The following RYR3 variants were observed in gnomAD, a reference collection of about 807,000 sequenced individuals.
The protein encoded by RYR3 is brain ryanodine receptor-calcium release channel.
A neutral mutation model predicts 584.3 loss-of-function variants in RYR3; 207 were observed. The ratio of observed to expected loss-of-function variants is 0.35; its 90% confidence interval spans 0.32 to 0.40. RYR3 has a LOEUF of 0.40. Ranked by LOEUF, RYR3 falls within the 10% of genes least tolerant of loss-of-function variation. The pLI, the probability that RYR3 is intolerant of heterozygous loss-of-function variation, is 1.00. For synonymous variants in RYR3, 2,416 were observed against 2,248.5 expected, an observed-to-expected ratio of 1.07 and a Z score of -2.11; for missense variants, 5,616 against 6,089.2, an observed-to-expected ratio of 0.92 and a Z score of 2.59.
At chr15:33,497,139 A>G (rs1461882589) in intron 2 of RYR3, among the ~76,000 whole-genome samples, 1 of 152,174 alleles carries the variant, frequency 6.6e-6, no homozygotes, top group Admixed American at 6.5e-5. Flanking sequence ...TTAATTCCCC[A>G]GATTCCTCCT....
chr15:33,550,010 C>T (rs2056556100), intron 9 of RYR3, 150 bp from the exon 10 acceptor site: 3 of 717,586 alleles, frequency 4.2e-6, no homozygotes, highest in Non-Finnish European at 6.7e-6. Context: ...TGAAATCCTA[C>T]AGCAAGCCAG....
chr15:33,414,605 AGT>A (rs2043646068), intron 1 of RYR3, among the ~76,000 whole-genome samples: 1 of 152,094 alleles, frequency 6.6e-6, no homozygotes, highest in Non-Finnish European at 1.5e-5. Context: ...AGTTTGAATA[AGT>A]AATTTTTATT....
At chr15:33,827,145 T>G in intron 84 of RYR3, 54 bp from the exon 85 acceptor site, 9 of 1,415,708 alleles carry the variant, frequency 6.4e-6, no homozygotes, top group Non-Finnish European at 8.8e-6. Context: ...GAGGGCATGC[T>G]TGGCCCCCTC....
At chr15:33,845,347 G>C (rs778311568) in intron 93 of RYR3, among the ~76,000 whole-genome samples, 21 of 152,170 alleles carry the variant, frequency 1.4e-4, no homozygotes, top group Non-Finnish European at 2.5e-4. Context: ...CCGCCTCCCA[G>C]GTTCAAGCAA....
chr15:33,704,624 T>G (rs982786792), intron 42 of RYR3, among the ~76,000 whole-genome samples: 2 of 152,194 alleles, frequency 1.3e-5, no homozygotes, highest in African/African-American at 4.8e-5. Context: ...GTGTTTTAGG[T>G]GGTATGACGA....
At position 33,630,030 on chromosome 15, in the gene RYR3, A is replaced by G. The variant is rs199638420; in HGVS notation, c.2770A>G (p.Thr924Ala). The part of the protein sequence containing the change: ...TEKNYNLQMS[T>A]ETLKTLLALG... ...GAAGAACTATAACCTGCAAATGTCA[A>G]CTGAAACCTTAAAGTGAGTATTTAA... is the stretch of plus-strand genomic sequence containing the variant. The change falls in exon 22 of 104, where the codon ACT becomes GCT. Residue 924 changes from threonine (T) to alanine (A), a missense_variant. Coordinates refer to ENST00000634891, the MANE Select transcript of RYR3 (RefSeq NM_001036.6). 735 of 1,589,930 alleles carry G rather than the reference A, an allele frequency of 4.6e-4. No homozygotes were observed. The highest frequency in any genetic ancestry group is 3.2e-3 in the Middle Eastern group (19 of 6,024).
chr15:33,819,897 G>A, intron 77 of RYR3, 90 bp downstream of exon 77: 1 of 964,260 alleles, frequency 1.0e-6, no homozygotes, highest in Non-Finnish European at 1.6e-6. Context: ...TTGAATAGCA[G>A]GCCTGGGACT....
intron 36 of RYR3, among the ~76,000 whole-genome samples, chr15:33,665,956 A>C (rs531074554): frequency 6.6e-6 from 1 of 152,288 alleles, no homozygotes. Flanking sequence ...TTGAGCAAGC[A>C]TCAGAATCAT....
chr15:33,668,690 C>T (rs1039607258), intron 36 of RYR3, among the ~76,000 whole-genome samples: 3 of 152,060 alleles, frequency 2.0e-5, no homozygotes, highest in Non-Finnish European at 2.9e-5. Flanking sequence ...CTTGTATAAA[C>T]TTGTTAATAA....
At chr15:33,489,530 A>G (rs1174712602) in intron 2 of RYR3, among the ~76,000 whole-genome samples, 1 of 152,236 alleles carries the variant, frequency 6.6e-6, no homozygotes, top group Admixed American at 6.5e-5. Flanking sequence ...CCCACAAAAG[A>G]CGTAACATCG....
chr15:33,337,934 ATTTTTTTTTTT>A (rs199625940), intron 1 of RYR3, among the ~76,000 whole-genome samples: 11 of 113,604 alleles, frequency 9.7e-5, no homozygotes, highest in Non-Finnish European at 1.2e-4. Context: ...ATTTTAGGAG[ATTTTTTTTTTT>A]TTTTTTTTTT....
At position 33,646,358 on chromosome 15, in the gene RYR3, G is replaced by C; in HGVS notation, c.3773G>C (p.Arg1258Thr). Residue 1258 changes from arginine to threonine, a missense_variant, in exon 29 of 104, where the codon AGG becomes ACG. By Grantham distance (71) the Arg-to-Thr change is moderately conservative. Coordinates refer to ENST00000634891, the MANE Select transcript of RYR3 (RefSeq NM_001036.6). ...GACTCGTCCTGTTTCCAGGTCATGA[G>C]GATTGATGGCACCATGGACAGCCCT... Reference protein sequence around the residue: ...PKDHPHIEVMRIDGTMDSPPC... With the variant: ...PKDHPHIEVMTIDGTMDSPPC... The C allele has an allele frequency of 1.2e-6, 2 of 1,606,040 alleles. No individual in the cohort carries two copies. The highest frequency in any genetic ancestry group is 1.7e-6 in the Non-Finnish European group (2 of 1,174,358).
chr15:33,638,292 G>C (rs28576933), intron 27 of RYR3, among the ~76,000 whole-genome samples: 47,724 of 152,092 alleles, frequency 0.31, 7,812 homozygotes, highest in Admixed American at 0.41. Flanking sequence ...AGGACAACCA[G>C]GTGCTTTCCA....
At chr15:33,809,580 G>A (rs1290731552) in intron 70 of RYR3, among the ~76,000 whole-genome samples, 1 of 149,132 alleles carries the variant, frequency 6.7e-6, no homozygotes, top group African/African-American at 2.5e-5. Flanking sequence ...CTGCTATTGT[G>A]TCATAGCCCA....
chr15:33,837,896 CAT>C lies in RYR3; in HGVS notation c.11917_11918del (p.Met3973ValfsTer2), dbSNP rs1567285629. 6.2e-7 allele frequency: 1 copy of C among 1,614,012 alleles called. No individual in the cohort carries two copies. The highest frequency in any genetic ancestry group is 2.2e-5 in the East Asian group (1 of 44,884). ...CGTGTGCAGAAGCTGATGAGAATGA[CAT>C]GTTTAATTACGTTGATTTTGTAGAC... Reference protein sequence around the residue: ...LSCAEADENDMFNYVDFVDRF... With the variant: ...LSCAEADENDXFNYVDFVDRF... On this transcript the variant is annotated frameshift_variant, in exon 89 of 104. Transcript: ENST00000634891. LOFTEE classifies it high-confidence loss of function.
At position 33,813,551 on chromosome 15, in the gene RYR3, A is replaced by G; in HGVS notation, c.10474A>G (p.Arg3492Gly). ...GAAACGGGCAGTGGTGGCCTGTTTC[A>G]GGATGGCCCCTCTCTACAACCTGCC... ...QRKRAVVACF[R>G]MAPLYNLPRH... Residue 3492 changes from arginine (R) to glycine (G), a missense_variant, in exon 74 of 104, where the codon AGG becomes GGG. Physicochemically the swap from Arg to Gly is moderately radical, Grantham distance 125. Coordinates refer to ENST00000634891, the MANE Select transcript of RYR3 (RefSeq NM_001036.6). 6.2e-7 allele frequency: 1 copy of G among 1,613,968 alleles called. No homozygotes were observed. The highest frequency in any genetic ancestry group is 8.5e-7 in the Non-Finnish European group (1 of 1,179,844).
chr15:33,775,337 GA>G (rs66477858), intron 64 of RYR3, among the ~76,000 whole-genome samples: 152,287 of 152,288 alleles, frequency 1, 76,143 homozygotes, highest in Non-Finnish European at 1. Flanking sequence ...CGGGAGTGGA[GA>G]AGGATGTGTG....
chr15:33,788,664 G>T (rs1045894270), intron 67 of RYR3, among the ~76,000 whole-genome samples: 1 of 152,204 alleles, frequency 6.6e-6, no homozygotes, highest in East Asian at 1.9e-4. Context: ...TGTATGGTCT[G>T]TGACATGGCC....
chr15:33,860,496 C>G, intron 100 of RYR3, 99 bp from the exon 101 acceptor site: 1 of 554,244 alleles, frequency 1.8e-6, no homozygotes, highest in Non-Finnish European at 3.0e-6. Flanking sequence ...TGATAATTCA[C>G]TTTTTTTTTT....
Sources: allele counts gnomAD v4.1 joint callset (sites outside exome capture counted in the v4.1 genomes callset), GRCh38; gene constraint gnomAD v4.1.1; transcripts MANE v1.5; gene names NCBI Gene and HGNC (gene_info 2026-07-23, HGNC 2026-07-21).